SERPINB3: variants seen among roughly 807,000 people sequenced by gnomAD.
SERPINB3 encodes serpin family B member 3.
SERPINB3 carries 33 observed loss-of-function variants against 33.0 expected under a neutral mutation model. The observed-to-expected ratio is 1.00, with a 90% CI of 0.76 to 1.34. SERPINB3 has a LOEUF of 1.34. Ranked by LOEUF, SERPINB3 falls within the 40% of genes most tolerant of loss-of-function variation. SERPINB3 has a pLI of 0.00. For missense variants in SERPINB3, 518 were observed against 461.5 expected, an observed-to-expected ratio of 1.12 and a Z score of -1.12; for synonymous variants, 200 against 170.9, an observed-to-expected ratio of 1.17 and a Z score of -1.33.
intron 4 of SERPINB3, among the ~76,000 whole-genome samples, chr18:63,659,038 C>G (rs1372459457): frequency 6.6e-6 from 1 of 152,136 alleles, no homozygotes; most frequent in Non-Finnish European, 1.5e-5. Flanking sequence ...GGAACTCACC[C>G]AAGCCTGCCC....
At position 63,659,384 on chromosome 18, in the gene SERPINB3, G is replaced by A. The variant is rs761456774; in HGVS notation, c.351+15C>T. On this transcript the variant is annotated intron_variant, in intron 4 of 7. Coordinates refer to ENST00000283752, the MANE Select transcript of SERPINB3 (RefSeq NM_006919.3). ...CAGGATGCAAATGAAATGTGGGTAG[G>A]CCAGGTGAAATTACCTGTAAAAATA... 2.7e-6 allele frequency: 4 copies of A among 1,474,028 alleles called. No individual in the cohort carries two copies. In the South Asian group the frequency reaches 3.5e-5, roughly 13 times the overall value. The allele number at this position is 1,474,028 out of a possible 1,614,324, so 91.3% of individuals were successfully genotyped here.
At chr18:63,658,050 T>G (rs1361036112) in intron 5 of SERPINB3, among the ~76,000 whole-genome samples, 1 of 152,062 alleles carries the variant, frequency 6.6e-6, no homozygotes, top group African/African-American at 2.4e-5. Flanking sequence ...CTGCAGAACT[T>G]GTGGCTAGAG....
chr18:63,657,682 G>C (rs960934321), intron 5 of SERPINB3, among the ~76,000 whole-genome samples: 3 of 151,912 alleles, frequency 2.0e-5, no homozygotes, highest in East Asian at 1.9e-4. Flanking sequence ...GTATGAATGA[G>C]TCCATTCATC....
chr18:63,658,993 T>C (rs1362996211), intron 4 of SERPINB3, among the ~76,000 whole-genome samples: 2 of 152,202 alleles, frequency 1.3e-5, no homozygotes, highest in Admixed American at 6.6e-5. Flanking sequence ...ATCCTGTGCA[T>C]TCAGTATTTC....
rs750364027 is a variant in SERPINB3, at chr18:63,661,064, T to C, written c.153A>G (p.Gln51=). 1.1e-5 allele frequency: 17 copies of C among 1,613,510 alleles called. No homozygotes were observed. The East Asian group carries it at 3.1e-4, about 30-fold the overall frequency. The change falls in exon 2 of 8, where the codon CAA becomes CAG. Residue 51 remains glutamine (Q), a synonymous_variant. Coordinates refer to ENST00000283752, the MANE Select transcript of SERPINB3 (RefSeq NM_006919.3). ...TGCTGATAGCTACCTTCTTAATCTG[T>C]TGTGCAGTGTTGTCTTTGGCTCCTA... ...VLLGAKDNTA[Q]QIKKVLHFDQ...
At chr18:63,660,444 C>T (rs1421181032) in intron 3 of SERPINB3, among the ~76,000 whole-genome samples, 1 of 151,970 alleles carries the variant, frequency 6.6e-6, no homozygotes, top group East Asian at 1.9e-4. Context: ...CATGTATTTG[C>T]ATGTATTGAG....
At chr18:63,656,197 A>G in intron 7 of SERPINB3, 136 bp from the exon 8 acceptor site, 2 of 1,067,400 alleles carry the variant, frequency 1.9e-6, no homozygotes, top group East Asian at 5.2e-5. Flanking sequence ...ATTAGATATT[A>G]TTATTCTAAT....
At chr18:63,656,204 T>C in intron 7 of SERPINB3, 143 bp from the exon 8 acceptor site, 1 of 1,013,358 alleles carries the variant, frequency 9.9e-7, no homozygotes, top group Non-Finnish European at 1.4e-6. Flanking sequence ...ATTATTATTC[T>C]AATAGGCAAA....
intron 5 of SERPINB3, among the ~76,000 whole-genome samples, 183 bp from the exon 6 acceptor site, chr18:63,657,595 C>T (rs1164795520): frequency 6.6e-6 from 1 of 152,122 alleles, no homozygotes; most frequent in African/African-American, 2.4e-5. Flanking sequence ...CAGCTTTCTT[C>T]AAGGCTCCAG....
In SERPINB3 at chr18:63,657,279, C is replaced by A. The variant is rs904378635; in HGVS notation, c.603G>T (p.Trp201Cys). 1 of 1,568,652 alleles carries A rather than the reference C, an allele frequency of 6.4e-7. No individual in the cohort carries two copies. The highest frequency in any genetic ancestry group is 8.7e-7 in the Non-Finnish European group (1 of 1,149,332). Residue 201 changes from tryptophan (W) to cysteine (C), a missense_variant, in exon 6 of 8, where the codon TGG (tryptophan) becomes TGT (cysteine). By Grantham distance (215) the Trp-to-Cys change is radical. Coordinates refer to ENST00000283752, the MANE Select transcript of SERPINB3 (RefSeq NM_006919.3). ...NKEDTKEEKF[W>C]PNKNTYKSIQ... ...AAAATATAGACAATACCTTGTTTGGCCAAAATTTTTCCTCTTTAGTATCTT... is the reference window on the plus strand; with the variant it reads ...AAAATATAGACAATACCTTGTTTGGACAAAATTTTTCCTCTTTAGTATCTT...
chr18:63,661,477 A>G (rs1234305296), intron 1 of SERPINB3, among the ~76,000 whole-genome samples: 2 of 152,006 alleles, frequency 1.3e-5, no homozygotes, highest in South Asian at 2.1e-4. Context: ...TAAATAAGTA[A>G]TAGACCCTCT....
chr18:63,656,481 C>A (rs1370885242), intron 7 of SERPINB3, among the ~76,000 whole-genome samples: 1 of 152,122 alleles, frequency 6.6e-6, no homozygotes, highest in African/African-American at 2.4e-5. Context: ...TATTAAATTG[C>A]AATTCCCCAA....
chr18:63,655,864 A>C lies in SERPINB3; in HGVS notation c.966T>G (p.Gly322=). ...ADLSGMTGSR[G]LVLSGVLHKA... The stretch of plus-strand genomic sequence containing the variant: ...TGTGTAGGACTCCAGATAGCACGAG[A>C]CCGCGGCTCCCGGTCATGCCTGAGA... The change falls in exon 8 of 8, where the codon GGT becomes GGG. Residue 322 remains glycine (G), a synonymous_variant. Transcript: ENST00000283752. 1 of 1,613,958 alleles carries C rather than the reference A, an allele frequency of 6.2e-7. No homozygotes were observed. The highest frequency in any genetic ancestry group is 8.5e-7 in the Non-Finnish European group (1 of 1,179,948).
intron 3 of SERPINB3, 124 bp from the exon 4 acceptor site, chr18:63,659,651 C>T: frequency 7.7e-7 from 1 of 1,301,768 alleles, no homozygotes. Flanking sequence ...GAGCTTATTC[C>T]CTGATACTTG....
rs537138139 is a variant in SERPINB3 at position 63,656,185 on chromosome 18, T to G, written c.769-124A>C. On this transcript the variant is annotated intron_variant, in intron 7 of 7. Transcript: ENST00000283752. ...AAATGTGAAATACAGAAGGTTCACTTTATTAGATATTATTATTCTAATAGG... is the reference window on the plus strand; with the variant it reads ...AAATGTGAAATACAGAAGGTTCACTGTATTAGATATTATTATTCTAATAGG... The G allele has an allele frequency of 7.5e-5, 85 of 1,135,112 alleles. 1 individual carries two copies. The South Asian group carries it at 1.4e-3, about 19-fold the overall frequency. The allele number at this position is 1,135,112 out of a possible 1,614,324, so 70.3% of individuals were successfully genotyped here.
Position 63,659,424 on chromosome 18 carries a change from C to G in SERPINB3, c.326G>C (p.Gly109Ala). Residue 109 changes from glycine to alanine, a missense_variant, in exon 4 of 8, where the codon GGA (glycine) becomes GCA (alanine). Gly to Ala is a moderately conservative substitution (Grantham distance 60, BLOSUM62 0). Transcript: ENST00000283752. ...YELKIANKLF[G>A]EKTYLFLQEY... ...CTGTAAAAATAGATACGTTTTTTCT[C>G]CGAAGAGCTTGTTGGCGATCTTCAG... 1 of 1,613,474 alleles carries G rather than the reference C, an allele frequency of 6.2e-7. No homozygotes were observed.
Sources: allele counts gnomAD v4.1 joint callset (sites outside exome capture counted in the v4.1 genomes callset), GRCh38; gene constraint gnomAD v4.1.1; transcripts MANE v1.5; gene names NCBI Gene and HGNC (gene_info 2026-07-23, HGNC 2026-07-21).